The following NTM variants were observed in gnomAD, a reference collection of about 807,000 sequenced individuals.
NTM encodes neurotrimin.
NTM carries 13 observed loss-of-function variants against 42.1 expected under a neutral mutation model. That is an observed-to-expected ratio of 0.31 (90% CI 0.20 to 0.49). NTM has a LOEUF of 0.49. Among genes scored for constraint, NTM ranks in the 20% least tolerant of loss-of-function variants. NTM has a pLI of 0.99. For synonymous variants in NTM, 187 were observed against 179.2 expected (o/e 1.04, Z -0.35); for missense variants, 373 against 452.8 (o/e 0.82, Z 1.60).
At chr11:131,637,723 C>G (rs1256989980) in intron 1 of NTM, among the ~76,000 whole-genome samples, 2 of 152,022 alleles carry the variant, frequency 1.3e-5, no homozygotes, top group African/African-American at 4.8e-5. Context: ...AAGAACAAAA[C>G]CACACCAATC....
chr11:131,909,883 G>A (rs1312743243), intron 1 of NTM: 2 of 152,124 alleles, frequency 1.3e-5, no homozygotes, highest in Non-Finnish European at 1.5e-5. Context: ...GGAAACCTGG[G>A]AGTCTGCTGT....
chr11:132,163,127 C>T (rs2074675987), intron 3 of NTM, among the ~76,000 whole-genome samples: 1 of 152,178 alleles, frequency 6.6e-6, no homozygotes, highest in Admixed American at 6.5e-5. Flanking sequence ...GCCATTTGTT[C>T]TGGCCCAGCC....
rs1206156828 is a variant in NTM, at chr11:131,789,645, G to GA, written c.83-121917dup. Reference sequence around the variant, plus strand: ...AAGAAGAAGAAGAAGAAAAGAAGAAGAAGAAGAAGAAGAAGAAGAAGAAAG... The same window carrying GA: ...AAGAAGAAGAAGAAGAAAAGAAGAAGAAAGAAGAAGAAGAAGAAGAAGAAAG... On this transcript the variant is annotated intron_variant, in intron 1 of 8. Transcript: ENST00000683400. 5.5e-4 allele frequency among the ~76,000 whole-genome samples: 71 copies of GA among 128,302 alleles called. 3 individuals are homozygous for GA. The highest frequency in any genetic ancestry group is 2.0e-3 in the African/African-American group (68 of 33,916). 84.2% of individuals were successfully genotyped at this position (128,302 alleles called of 152,430 possible).
intron 1 of NTM, among the ~76,000 whole-genome samples, chr11:131,465,403 T>C (rs1159170282): frequency 6.6e-6 from 1 of 151,900 alleles, no homozygotes; most frequent in Non-Finnish European, 1.5e-5. Flanking sequence ...AAAATCCAGG[T>C]TTCTTTTTTT....
intron 4 of NTM, among the ~76,000 whole-genome samples, chr11:132,282,828 C>T (rs982623703): frequency 6.6e-6 from 1 of 152,074 alleles, no homozygotes; most frequent in African/African-American, 2.4e-5. Context: ...ATTAACTTAA[C>T]TTCTTAACTC....
chr11:132,119,860 G>A (rs1384184724), intron 2 of NTM, among the ~76,000 whole-genome samples: 3 of 152,368 alleles, frequency 2.0e-5, no homozygotes, highest in Middle Eastern at 3.4e-3. Context: ...GGTCTAGACC[G>A]AGTCCCCATC....
intron 1 of NTM, among the ~76,000 whole-genome samples, chr11:131,441,690 A>G (rs1402399336): frequency 6.6e-6 from 1 of 152,212 alleles, no homozygotes; most frequent in African/African-American, 2.4e-5. Context: ...TCCATGATCT[A>G]GCCCAGCCAC....
intron 2 of NTM, among the ~76,000 whole-genome samples, chr11:131,931,447 A>AAT (rs1565764172): frequency 1.1e-4 from 16 of 150,330 alleles, no homozygotes; most frequent in Admixed American, 5.3e-4. Context: ...TCAAAAAAAA[A>AAT]AATAATAATA....
intron 1 of NTM, among the ~76,000 whole-genome samples, chr11:131,473,201 T>C (rs1952611974): frequency 6.6e-6 from 1 of 152,086 alleles, no homozygotes; most frequent in Non-Finnish European, 1.5e-5. Flanking sequence ...ATTTGGGGCT[T>C]GGTAGCAGGC....
At chr11:131,983,414 C>G (rs1210483825) in intron 2 of NTM, among the ~76,000 whole-genome samples, 1 of 129,756 alleles carries the variant, frequency 7.7e-6, no homozygotes, top group Non-Finnish European at 1.5e-5. Context: ...CTCGCTCTGT[C>G]TCCTAGGCCA....
At chr11:131,424,873 T>A (rs73586766) in intron 1 of NTM, among the ~76,000 whole-genome samples, 20,952 of 146,708 alleles carry the variant, frequency 0.14, 2,335 homozygotes, top group East Asian at 0.62. Flanking sequence ...CCAGCTTTTT[T>A]TTTTTTTATT....
intron 4 of NTM, among the ~76,000 whole-genome samples, chr11:132,304,220 G>T (rs144932240): frequency 7.2e-5 from 11 of 152,268 alleles, no homozygotes; most frequent in African/African-American, 2.6e-4. Context: ...TGATGAAGGG[G>T]TATTTCAGGA....
At chr11:131,710,780 C>T (rs1269610905) in intron 1 of NTM, among the ~76,000 whole-genome samples, 1 of 152,210 alleles carries the variant, frequency 6.6e-6, no homozygotes, top group Non-Finnish European at 1.5e-5. Flanking sequence ...AAACCCTCCA[C>T]AAATCCAAAG....
chr11:131,738,252 A>C (rs770526545), intron 1 of NTM, among the ~76,000 whole-genome samples: 1 of 152,220 alleles, frequency 6.6e-6, no homozygotes, highest in African/African-American at 2.4e-5. Flanking sequence ...GTTGCTTGCC[A>C]CAGTGTGGGG....
At chr11:131,707,056 C>A (rs1047671839) in intron 1 of NTM, among the ~76,000 whole-genome samples, 1 of 151,920 alleles carries the variant, frequency 6.6e-6, no homozygotes, top group Admixed American at 6.6e-5. Flanking sequence ...AGTCACCATG[C>A]TATGTAATAG....
rs115798131 is a variant in NTM, at chr11:132,118,171, T to A, written c.168-28111T>A. 5.4e-3 allele frequency among the ~76,000 whole-genome samples: 820 copies of A among 152,336 alleles called. 6 individuals are homozygous for A. Among genetic ancestry groups the A allele is most frequent in the African/African-American group, 0.018 (762 of 41,574 alleles). ...TCAAACATGAATTTCTTTAGTATTT[T>A]AAAAGCGTAAGTTGAGCAGATAAGC... On this transcript the variant is annotated intron_variant, in intron 2 of 8. Coordinates refer to ENST00000683400, the MANE Select transcript of NTM (RefSeq NM_001352005.2).
chr11:132,191,008 G>A (rs1000207374), intron 3 of NTM, among the ~76,000 whole-genome samples: 12 of 152,164 alleles, frequency 7.9e-5, no homozygotes, highest in East Asian at 5.8e-4. Flanking sequence ...TGGAATGTCC[G>A]TGCAAACAGT....
At chr11:131,581,141 TCTC>T (rs1365650843) in intron 1 of NTM, among the ~76,000 whole-genome samples, 1 of 152,238 alleles carries the variant, frequency 6.6e-6, no homozygotes, top group Admixed American at 6.5e-5. Context: ...GGTCATGGCT[TCTC>T]CTTACAACTC....
intron 1 of NTM, among the ~76,000 whole-genome samples, chr11:131,816,267 C>G (rs569028995): frequency 2.0e-5 from 3 of 152,246 alleles, no homozygotes; most frequent in South Asian, 2.1e-4. Context: ...AATCCTGACT[C>G]AGTATGCTGT....
Sources: allele counts gnomAD v4.1 joint callset (sites outside exome capture counted in the v4.1 genomes callset), GRCh38; gene constraint gnomAD v4.1.1; transcripts MANE v1.5; gene names NCBI Gene and HGNC (gene_info 2026-07-23, HGNC 2026-07-21).